The following GRIP1 variants were observed in gnomAD, a reference collection of about 807,000 sequenced individuals.
GRIP1 encodes the protein glutamate receptor interacting protein 1, also known as glutamate receptor-interacting protein 1.
A neutral mutation model predicts 129.9 loss-of-function variants in GRIP1; 45 were observed. The ratio of observed to expected loss-of-function variants is 0.35; its 90% CI spans 0.27 to 0.44. The LOEUF is 0.44. GRIP1 is among the 20% of genes least tolerant of loss of function. The pLI is 1.00. For missense variants in GRIP1, 1,196 were observed against 1,396.8 expected, an observed-to-expected ratio of 0.86 and a Z score of 2.29; for synonymous variants, 530 against 520.8, an observed-to-expected ratio of 1.02 and a Z score of -0.24.
intron 7 of GRIP1, among the ~76,000 whole-genome samples, chr12:66,509,245 A>T (rs2060623887): frequency 6.6e-6 from 1 of 152,178 alleles, no homozygotes; most frequent in Admixed American, 6.5e-5. Flanking sequence ...CATTTTAGAG[A>T]AGTGGAGCAT....
chr12:66,412,867 C>T (rs2057451540), intron 15 of GRIP1, among the ~76,000 whole-genome samples: 1 of 151,746 alleles, frequency 6.6e-6, no homozygotes, highest in African/African-American at 2.4e-5. Context: ...TTTAAACCAA[C>T]AAAGATAGAA....
In GRIP1 at chr12:66,500,614, T is replaced by C. The variant is rs139827522; in HGVS notation, c.724+15005A>G. Among the ~76,000 whole-genome samples, 3 of 152,304 alleles carry C rather than the reference T, an allele frequency of 2.0e-5. No homozygotes were observed. The East Asian group carries it at 5.8e-4, about 29-fold the overall frequency. On this transcript the variant is annotated intron_variant, in intron 7 of 24. Transcript: ENST00000359742. ...GGGAAAAATTTCACAGTGAGTCTCT[T>C]GCATTTTACTTGTTCTTAAGTAAAA...
chr12:66,424,491 C>T (rs182396104), intron 14 of GRIP1, among the ~76,000 whole-genome samples: 231 of 152,144 alleles, frequency 1.5e-3, no homozygotes, highest in African/African-American at 5.3e-3. Flanking sequence ...TTTCTATTTA[C>T]TTTCTATTAT....
intron 1 of GRIP1, among the ~76,000 whole-genome samples, chr12:66,709,884 T>C (rs781421193): frequency 2.0e-5 from 3 of 151,976 alleles, no homozygotes; most frequent in Non-Finnish European, 2.9e-5. Flanking sequence ...TACCCAGACC[T>C]TTGCTATTTA....
intron 1 of GRIP1, among the ~76,000 whole-genome samples, chr12:66,714,816 C>A (rs2035819556): frequency 6.6e-6 from 1 of 151,554 alleles, no homozygotes; most frequent in Non-Finnish European, 1.5e-5. Context: ...AGCCTTGATT[C>A]ATCCTATCTA....
chr12:66,689,088 AG>A (rs1349961325), intron 1 of GRIP1, among the ~76,000 whole-genome samples: 3 of 152,214 alleles, frequency 2.0e-5, no homozygotes, highest in African/African-American at 7.2e-5. Context: ...GGGCTCAGGC[AG>A]GCTGGCTGGG....
At chr12:66,937,264 G>T (rs182548831) in intron 1 of GRIP1, among the ~76,000 whole-genome samples, 4 of 151,944 alleles carry the variant, frequency 2.6e-5, no homozygotes, top group Admixed American at 2.6e-4. Context: ...CTGACACTTG[G>T]CCACCTTTCT....
Position 66,529,877 on chromosome 12 carries a change from C to T in GRIP1, c.456G>A (p.Glu152=), listed in dbSNP as rs2061386016. 6.2e-7 allele frequency: 1 copy of T among 1,606,294 alleles called. No individual in the cohort carries two copies. Among genetic ancestry groups the T allele is most frequent in the South Asian group, 1.1e-5 (1 of 90,908 alleles). The part of the protein sequence containing the change: ...QGSSVIFRTV[E]VTLHKEGNTF... The stretch of plus-strand genomic sequence containing the variant: ...TATTGCCTTCTTTATGTAATGTGAC[C>T]TCCACTGTTCGGAAAATAACACTTG... The change falls in exon 5 of 25, where the codon GAG becomes GAA. Residue 152 remains glutamate, a synonymous_variant. Coordinates refer to ENST00000359742, the MANE Select transcript of GRIP1 (RefSeq NM_001366722.1).
intron 5 of GRIP1, among the ~76,000 whole-genome samples, chr12:66,518,729 T>G (rs1345154254): frequency 6.6e-6 from 1 of 152,216 alleles, no homozygotes; most frequent in African/African-American, 2.4e-5. Context: ...TCACTCCACA[T>G]TTGGACACCA....
chr12:66,363,807 A>G (rs2054954509), intron 23 of GRIP1, among the ~76,000 whole-genome samples: 1 of 152,174 alleles, frequency 6.6e-6, no homozygotes, highest in South Asian at 2.1e-4. Flanking sequence ...AGCAAAAAGT[A>G]GAATGGTGGT....
At chr12:66,826,398 C>T (rs1468172444) in intron 1 of GRIP1, among the ~76,000 whole-genome samples, 5 of 151,992 alleles carry the variant, frequency 3.3e-5, no homozygotes, top group Non-Finnish European at 5.9e-5. Context: ...ACGTGTATAT[C>T]TATGTTATAA....
chr12:66,622,895 T>C (rs1190272691), intron 1 of GRIP1, among the ~76,000 whole-genome samples: 7 of 152,198 alleles, frequency 4.6e-5, no homozygotes. Flanking sequence ...GTTGATGTGC[T>C]AGTTTGAGCT....
At chr12:66,661,943 T>A (rs1381368542) in intron 1 of GRIP1, among the ~76,000 whole-genome samples, 6 of 152,160 alleles carry the variant, frequency 3.9e-5, no homozygotes, top group Non-Finnish European at 8.8e-5. Flanking sequence ...CAGAAATGAT[T>A]TATATAGAAC....
chr12:66,871,705 G>A (rs1339184452), intron 1 of GRIP1, among the ~76,000 whole-genome samples: 1 of 152,060 alleles, frequency 6.6e-6, no homozygotes, highest in Admixed American at 6.6e-5. Flanking sequence ...GGTAAAGACT[G>A]CAGAGTTAAG....
At chr12:66,585,716 C>T (rs1018355853) in intron 2 of GRIP1, among the ~76,000 whole-genome samples, 5 of 147,616 alleles carry the variant, frequency 3.4e-5, no homozygotes, top group Admixed American at 6.9e-5. Flanking sequence ...TACAGTCCCA[C>T]CAACAGTGTA....
chr12:66,903,174 C>T (rs1417176682), intron 1 of GRIP1, among the ~76,000 whole-genome samples: 1 of 151,848 alleles, frequency 6.6e-6, no homozygotes, highest in Non-Finnish European at 1.5e-5. Context: ...AATCAACATG[C>T]AAAAAAGCAT....
chr12:66,520,745 T>A (rs1488565084), intron 5 of GRIP1, among the ~76,000 whole-genome samples: 1 of 152,246 alleles, frequency 6.6e-6, no homozygotes, highest in Non-Finnish European at 1.5e-5. Context: ...TATTTCTTGA[T>A]AATAAATTAC....
intron 16 of GRIP1, among the ~76,000 whole-genome samples, chr12:66,395,689 C>T (rs2056760808): frequency 6.6e-6 from 1 of 152,190 alleles, no homozygotes; most frequent in East Asian, 1.9e-4. Flanking sequence ...TTACTCCACA[C>T]ATTCAGAACT....
intron 1 of GRIP1, among the ~76,000 whole-genome samples, chr12:66,926,775 G>C (rs1340282994): frequency 1.4e-4 from 22 of 152,110 alleles, no homozygotes; most frequent in Admixed American, 1.4e-3. Flanking sequence ...GTGAGACAAG[G>C]CACATTTCAC....
Sources: gnomAD v4.1 joint callset for allele counts (sites outside exome capture counted in the v4.1 genomes callset) on GRCh38, gnomAD v4.1.1 for gene constraint, MANE v1.5 for transcripts, NCBI Gene and HGNC (gene_info 2026-07-23, HGNC 2026-07-21) for gene names.